The following SPINT1 variants were observed in gnomAD, a reference collection of about 807,000 sequenced individuals.
SPINT1 encodes kunitz-type protease inhibitor 1.
In SPINT1, 38 loss-of-function variants were observed where a neutral mutation model predicts 53.7. That is an observed-to-expected ratio of 0.71 (90% confidence interval 0.55 to 0.93). The LOEUF (loss-of-function observed/expected upper bound fraction) is 0.93. Ranked by LOEUF, SPINT1 falls within the 40% of genes least tolerant of loss-of-function variation. The pLI, the probability that SPINT1 is intolerant of heterozygous loss-of-function variation, is 0.00. For missense variants in SPINT1, 645 were observed against 692.9 expected, an observed-to-expected ratio of 0.93 and a Z score of 0.78; for synonymous variants, 283 against 280.6, an observed-to-expected ratio of 1.01 and a Z score of -0.08.
At chr15:40,845,567 A>C (rs1243817591) in intron 2 of SPINT1, among the ~76,000 whole-genome samples, 2 of 152,036 alleles carry the variant, frequency 1.3e-5, no homozygotes, top group Non-Finnish European at 2.9e-5. Context: ...CAAACAGTAA[A>C]CAAATGAAAG....
At position 40,847,731 on chromosome 15, in the gene SPINT1, G is replaced by C. The variant is rs951842379; in HGVS notation, c.475+2702G>C. The stretch of plus-strand genomic sequence containing the variant: ...AGGTACCTGCTCCTTGGTCCTGGGG[G>C]CTGGGGCTTGGAGAGGACTGAGTTG... On this transcript the variant is annotated intron_variant, in intron 2 of 10. Coordinates refer to ENST00000562057, the MANE Select transcript of SPINT1 (RefSeq NM_003710.4). 2.6e-5 allele frequency among the ~76,000 whole-genome samples: 4 copies of C among 152,132 alleles called. No individual in the cohort carries two copies. The East Asian group carries it at 7.7e-4, about 29-fold the overall frequency.
intron 2 of SPINT1, among the ~76,000 whole-genome samples, chr15:40,850,611 C>T (rs896863485): frequency 2.0e-5 from 3 of 152,196 alleles, no homozygotes; most frequent in Non-Finnish European, 2.9e-5. Context: ...CCTCTAAATC[C>T]GGTTTCCCTT....
rs1891668582 is a variant in SPINT1, at chr15:40,857,028, A to C, written c.*53A>C. On this transcript the variant is annotated 3_prime_UTR_variant, in exon 11 of 11. Coordinates refer to ENST00000562057, the MANE Select transcript of SPINT1 (RefSeq NM_003710.4). ...CCCTGCTTCCTGCTTGCCAAGGCAG[A>C]GGCCTGGGCTGGGAAAAACTTTGGA... 1 of 1,592,546 alleles carries C rather than the reference A, an allele frequency of 6.3e-7. No homozygotes were observed. The highest frequency in any genetic ancestry group is 1.7e-5 in the Admixed American group (1 of 58,092).
intron 4 of SPINT1, 33 bp downstream of exon 4, chr15:40,853,660 C>A (rs755325964): frequency 6.8e-6 from 11 of 1,613,846 alleles, no homozygotes; most frequent in Non-Finnish European, 9.3e-6. Context: ...CACCTGGAGC[C>A]CCCGCTGTGC....
At chr15:40,845,318 A>ATTT (rs34480117) in intron 2 of SPINT1, among the ~76,000 whole-genome samples, 3,225 of 58,168 alleles carry the variant, frequency 0.055, 343 homozygotes, top group Middle Eastern at 0.076. Context: ...GACCCGGCTA[A>ATTT]TTTTTTTTTT....
At position 40,853,716 on chromosome 15, in the gene SPINT1, T is replaced by C; in HGVS notation, c.748T>C (p.Cys250Arg). The C allele has an allele frequency of 6.2e-7, 1 of 1,614,120 alleles. No homozygotes were observed. The highest frequency in any genetic ancestry group is 1.3e-5 in the African/African-American group (1 of 75,066). The change falls in exon 5 of 11, where the codon TGC (cysteine) becomes CGC (arginine). Residue 250 changes from cysteine to arginine, a missense_variant. Physicochemically the swap from Cys to Arg is radical, Grantham distance 180. Coordinates refer to ENST00000562057, the MANE Select transcript of SPINT1 (RefSeq NM_003710.4). ...VLSTKQTEDYCLASNKVGRCR... is the reference protein window; with the variant it reads ...VLSTKQTEDYRLASNKVGRCR... The stretch of plus-strand genomic sequence containing the variant: ...TCATAAGCTCTCCCCCCTAGACTAC[T>C]GCCTCGCATCCAACAAGGTGGGTCG...
rs1026026824 is a variant in SPINT1 at position 40,856,412 on chromosome 15, T to C, written c.1336+89T>C. 8.5e-6 allele frequency: 13 copies of C among 1,529,974 alleles called. No homozygotes were observed. In the African/African-American group the frequency reaches 1.5e-4, roughly 18 times the overall value. 94.8% of individuals were successfully genotyped at this position (1,529,974 alleles called of 1,614,324 possible). ...ACCTGTTGTGACAGCCTAACCTGTGTTGAGAAGGATGCCAAGGTGGCCTAT... is the reference window on the plus strand; with the variant it reads ...ACCTGTTGTGACAGCCTAACCTGTGCTGAGAAGGATGCCAAGGTGGCCTAT... On this transcript the variant is annotated intron_variant, in intron 10 of 10. Transcript: ENST00000562057.
chr15:40,844,604 T>TCCCTGCCGTCGC lies in SPINT1; in HGVS notation c.52_63dup (p.Pro18_Ala21dup). The TCCCTGCCGTCGC allele has an allele frequency of 6.2e-7, 1 of 1,609,818 alleles. No individual in the cohort carries two copies. Among genetic ancestry groups the TCCCTGCCGTCGC allele is most frequent in the Non-Finnish European group, 8.5e-7 (1 of 1,178,730 alleles). The stretch of plus-strand genomic sequence containing the variant: ...CGCGCCCGCCTCGCCCCGGCCGGCA[T>TCCCTGCCGTCGC]CCCTGCCGTCGCCTTGTGGCTTCTG... On this transcript the variant is annotated inframe_insertion, in exon 2 of 11. Transcript: ENST00000562057. The surrounding 1 kb of genome is among the most constrained non-coding windows in gnomAD (Gnocchi z 5.8).
chr15:40,853,852 A>T lies in SPINT1; in HGVS notation c.884A>T (p.Glu295Val). Reference protein sequence around the residue: ...GNKNNYLREEECILACRGVQG... With the variant: ...GNKNNYLREEVCILACRGVQG... The stretch of plus-strand genomic sequence containing the variant: ...AAGAACAACTACCTTCGGGAAGAAG[A>T]GTGCATTCTAGCCTGTCGGGGTGTG... Residue 295 changes from glutamate to valine, a missense_variant, in exon 5 of 11, where the codon GAG becomes GTG. Transcript: ENST00000562057. 1 of 1,614,170 alleles carries T rather than the reference A, an allele frequency of 6.2e-7. No individual in the cohort carries two copies. The highest frequency in any genetic ancestry group is 1.7e-5 in the Admixed American group (1 of 60,030).
In SPINT1 at chr15:40,857,916, C is replaced by T. The variant is rs2142020146; in HGVS notation, c.*941C>T. Reference sequence around the variant, plus strand: ...TAGCATTTCTTCCTGGTGTGAGCCTCTCCACAAGCCTGTTGAGTGGTTGAG... The same window carrying T: ...TAGCATTTCTTCCTGGTGTGAGCCTTTCCACAAGCCTGTTGAGTGGTTGAG... On this transcript the variant is annotated 3_prime_UTR_variant, in exon 11 of 11. Coordinates refer to ENST00000562057, the MANE Select transcript of SPINT1 (RefSeq NM_003710.4). The T allele has an allele frequency of 6.6e-6, 1 of 152,356 alleles. No individual in the cohort carries two copies. Among genetic ancestry groups the T allele is most frequent in the South Asian group, 2.1e-4 (1 of 4,832 alleles). 9.4% of individuals were successfully genotyped at this position (152,356 alleles called of 1,614,324 possible). A position where few individuals can be genotyped will look rare whatever the true frequency, so the allele number is the denominator to read the frequency against.
Position 40,857,019 on chromosome 15 carries a change from C to T in SPINT1, c.*44C>T, listed in dbSNP as rs996735096. 15 of 1,605,088 alleles carry T rather than the reference C, an allele frequency of 9.3e-6. No individual in the cohort carries two copies. Among genetic ancestry groups the T allele is most frequent in the Non-Finnish European group, 1.3e-5 (15 of 1,173,872 alleles). On this transcript the variant is annotated 3_prime_UTR_variant, in exon 11 of 11. Coordinates refer to ENST00000562057, the MANE Select transcript of SPINT1 (RefSeq NM_003710.4). ...CTCACCTGGCCCTGCTTCCTGCTTG[C>T]CAAGGCAGAGGCCTGGGCTGGGAAA...
At position 40,854,114 on chromosome 15, in the gene SPINT1, C is replaced by G. The variant is rs373361566; in HGVS notation, c.940+28C>G. ...GGGCTTTACTCCCCTCCCCATCCCC[C>G]ATCCCCACCACATCTCTAGCCCATA... On this transcript the variant is annotated intron_variant, in intron 6 of 10. Coordinates refer to ENST00000562057, the MANE Select transcript of SPINT1 (RefSeq NM_003710.4). 49 of 1,528,122 alleles carry G rather than the reference C, an allele frequency of 3.2e-5. No homozygotes were observed. The Middle Eastern group carries it at 5.3e-4, about 17-fold the overall frequency. 94.7% of individuals were successfully genotyped at this position (1,528,122 alleles called of 1,614,324 possible). A position where few individuals can be genotyped will look rare whatever the true frequency, so the allele number is the denominator to read the frequency against.
intron 8 of SPINT1, 95 bp downstream of exon 8, chr15:40,854,784 G>A: frequency 1.3e-6 from 2 of 1,506,636 alleles, no homozygotes; most frequent in Non-Finnish European, 1.8e-6. Context: ...CCTGCTGGGT[G>A]TACGGGCCTG....
At position 40,857,450 on chromosome 15, in the gene SPINT1, G is replaced by C. The variant is rs1891684035; in HGVS notation, c.*475G>C. 1 of 156,902 alleles carries C rather than the reference G, an allele frequency of 6.4e-6. No homozygotes were observed. The allele number at this position is 156,902 out of a possible 1,614,324, so 9.7% of individuals were successfully genotyped here. A position where few individuals can be genotyped will look rare whatever the true frequency, so the allele number is the denominator to read the frequency against. On this transcript the variant is annotated 3_prime_UTR_variant, in exon 11 of 11. Coordinates refer to ENST00000562057, the MANE Select transcript of SPINT1 (RefSeq NM_003710.4). ...TATTTAATGCTGTGGCATGGGTGAAGAGGAGGGGAAGAGGCCTGTTTGGCC... is the reference window on the plus strand; with the variant it reads ...TATTTAATGCTGTGGCATGGGTGAACAGGAGGGGAAGAGGCCTGTTTGGCC...
At chr15:40,852,865 C>T (rs1891502357) in intron 2 of SPINT1, among the ~76,000 whole-genome samples, 1 of 150,122 alleles carries the variant, frequency 6.7e-6, no homozygotes, top group African/African-American at 2.5e-5. Flanking sequence ...AGCAAGACCC[C>T]ATCTCTAATA....
At chr15:40,852,874 T>TA (rs368479599) in intron 2 of SPINT1, among the ~76,000 whole-genome samples, 1,506 of 111,620 alleles carry the variant, frequency 0.013, 17 homozygotes, top group South Asian at 0.022. Context: ...CCATCTCTAA[T>TA]AAAAAAAAAA....
chr15:40,844,559 C>G lies in SPINT1; in HGVS notation c.5C>G (p.Ala2Gly), dbSNP rs757578578. The change falls in exon 2 of 11, where the codon GCC (alanine) becomes GGC (glycine). Residue 2 changes from alanine to glycine, a missense_variant. Coordinates refer to ENST00000562057, the MANE Select transcript of SPINT1 (RefSeq NM_003710.4). This position sits in a 1 kb window ranked among gnomAD's most constrained non-coding sequence, Gnocchi z 5.8. ...ACCCCCCTGGGGAGGAAGGCGATGGCCCCTGCGAGGACGATGGCCCGCGCC... is the reference window on the plus strand; with the variant it reads ...ACCCCCCTGGGGAGGAAGGCGATGGGCCCTGCGAGGACGATGGCCCGCGCC... M[A>G]PARTMARARL... 1 of 1,610,330 alleles carries G rather than the reference C, an allele frequency of 6.2e-7. No homozygotes were observed. The highest frequency in any genetic ancestry group is 1.7e-5 in the Admixed American group (1 of 59,938).
intron 2 of SPINT1, among the ~76,000 whole-genome samples, chr15:40,847,533 T>G (rs2142004554): frequency 6.6e-6 from 1 of 152,268 alleles, no homozygotes; most frequent in South Asian, 2.1e-4. Flanking sequence ...TCTTCTCCCC[T>G]TCTCTTCCCC....
At chr15:40,852,426 AG>A (rs1891484582) in intron 2 of SPINT1, among the ~76,000 whole-genome samples, 2 of 152,134 alleles carry the variant, frequency 1.3e-5, no homozygotes. Flanking sequence ...GCCACCATTC[AG>A]CCCCCTACAG....
Sources: allele counts gnomAD v4.1 joint callset (sites outside exome capture counted in the v4.1 genomes callset), GRCh38; gene constraint gnomAD v4.1.1; non-coding constraint Gnocchi (gnomAD v3.1); transcripts MANE v1.5; gene names NCBI Gene and HGNC (gene_info 2026-07-23, HGNC 2026-07-21).